Variants in SGMS1 observed in about 807,000 individuals in gnomAD.
SGMS1 encodes sphingomyelin synthase 1.
In SGMS1, 13 loss-of-function variants were observed where a neutral mutation model predicts 46.2. The ratio of observed to expected loss-of-function variants is 0.28; its 90% confidence interval spans 0.18 to 0.45. The LOEUF (loss-of-function observed/expected upper bound fraction) is 0.45, where lower values mean the gene tolerates loss of function less well. SGMS1 is among the 20% of genes least tolerant of loss of function. The pLI is 1.00. For synonymous variants in SGMS1, 203 were observed against 187.8 expected, an observed-to-expected ratio of 1.08 and a Z score of -0.66; for missense variants, 324 against 519.9, an observed-to-expected ratio of 0.62 and a Z score of 3.66.
At chr10:50,484,547 G>T (rs1588849376) in intron 3 of SGMS1, among the ~76,000 whole-genome samples, 1 of 152,240 alleles carries the variant, frequency 6.6e-6, no homozygotes, top group East Asian at 1.9e-4. Flanking sequence ...CTCATTTTAT[G>T]AGGCCAGCAT....
At chr10:50,328,131 C>T (rs1330001537) in intron 7 of SGMS1, 8 of 356,522 alleles carry the variant, frequency 2.2e-5, no homozygotes, top group Admixed American at 2.1e-4. Context: ...TATCTATATA[C>T]ATACACATGT....
chr10:50,355,080 T>A (rs1260384096), intron 6 of SGMS1, among the ~76,000 whole-genome samples: 10 of 152,182 alleles, frequency 6.6e-5, no homozygotes, highest in Admixed American at 3.3e-4. Flanking sequence ...GACCCAGCCA[T>A]CCCCATTACT....
At chr10:50,340,464 TC>T (rs1298500395) in intron 7 of SGMS1, 2 of 152,188 alleles carry the variant, frequency 1.3e-5, no homozygotes, top group African/African-American at 4.8e-5. Flanking sequence ...AAAGTCCAAT[TC>T]TAAATGGGGA....
chr10:50,306,246 T>A lies in SGMS1; in HGVS notation c.*896A>T, dbSNP rs577520622. The A allele has an allele frequency of 1.5e-3, 228 of 152,638 alleles. No individual in the cohort carries two copies. Among genetic ancestry groups the A allele is most frequent in the African/African-American group, 5.4e-3 (224 of 41,568 alleles). The allele number at this position is 152,638 out of a possible 1,614,324, so 9.5% of individuals were successfully genotyped here. A position where few individuals can be genotyped will look rare whatever the true frequency, so the allele number is the denominator to read the frequency against. ...AACCTCATTATTTAAGTCATTGCAA[T>A]TTTAAAACCATAAGCAGTCTTCTGA... On this transcript the variant is annotated 3_prime_UTR_variant, in exon 11 of 11. Transcript: ENST00000361781.
chr10:50,608,759 T>C (rs1838719796), intron 1 of SGMS1, among the ~76,000 whole-genome samples: 1 of 152,148 alleles, frequency 6.6e-6, no homozygotes, highest in South Asian at 2.1e-4. Flanking sequence ...GACATTCTTT[T>C]TGTAGACTTC....
At chr10:50,408,599 C>T (rs1439321124) in intron 6 of SGMS1, among the ~76,000 whole-genome samples, 2 of 152,002 alleles carry the variant, frequency 1.3e-5, no homozygotes, top group Admixed American at 6.6e-5. Context: ...AGGAGAATCG[C>T]TTGAACCTGG....
chr10:50,494,109 T>C (rs542539302), intron 3 of SGMS1, among the ~76,000 whole-genome samples: 4 of 152,252 alleles, frequency 2.6e-5, no homozygotes, highest in Admixed American at 6.5e-5. Context: ...GAATGGCTAT[T>C]ATTAAAAAGT....
At position 50,623,688 on chromosome 10, in the gene SGMS1, T is replaced by C; in HGVS notation, c.-684+19A>G. 1 of 985,320 alleles carries C rather than the reference T, an allele frequency of 1.0e-6. No homozygotes were observed. The highest frequency in any genetic ancestry group is 1.2e-6 in the Non-Finnish European group (1 of 829,916). The allele number at this position is 985,320 out of a possible 1,614,324, so 61.0% of individuals were successfully genotyped here. On this transcript the variant is annotated intron_variant, in intron 1 of 10. Coordinates refer to ENST00000361781, the MANE Select transcript of SGMS1 (RefSeq NM_147156.4). ...CCGCAACCGTGAGGCCGGCTGTCTG[T>C]CCCTGCCCCACGACTCACTTGCACT...
At chr10:50,585,640 C>T (rs1838476495) in intron 2 of SGMS1, among the ~76,000 whole-genome samples, 1 of 152,148 alleles carries the variant, frequency 6.6e-6, no homozygotes, top group Non-Finnish European at 1.5e-5. Context: ...GCCCCTACAC[C>T]ACGATGTCAT....
intron 4 of SGMS1, among the ~76,000 whole-genome samples, chr10:50,463,814 T>C (rs942407181): frequency 3.9e-5 from 6 of 152,182 alleles, no homozygotes; most frequent in African/African-American, 1.4e-4. Context: ...ACATGGTATA[T>C]ACATACAATG....
intron 1 of SGMS1, among the ~76,000 whole-genome samples, chr10:50,615,452 A>C (rs1423518584): frequency 1.3e-5 from 2 of 152,218 alleles, no homozygotes; most frequent in African/African-American, 4.8e-5. Flanking sequence ...CTGTTATGAC[A>C]CCTACCAGAG....
chr10:50,558,446 T>C lies in SGMS1; in HGVS notation c.-589+31707A>G, dbSNP rs546602808. On this transcript the variant is annotated intron_variant, in intron 2 of 10. Coordinates refer to ENST00000361781, the MANE Select transcript of SGMS1 (RefSeq NM_147156.4). ...CTCCTGGCTGCTTAAATTTCATGCC[T>C]GAAATATCCCGGATAAGCTGCTTGG... Among the ~76,000 whole-genome samples the C allele has an allele frequency of 5.3e-5, 8 of 152,308 alleles. No individual in the cohort carries two copies. In the South Asian group the frequency reaches 1.5e-3, roughly 28 times the overall value.
At chr10:50,579,228 T>C (rs1838412118) in intron 2 of SGMS1, among the ~76,000 whole-genome samples, 1 of 151,896 alleles carries the variant, frequency 6.6e-6, no homozygotes, top group Non-Finnish European at 1.5e-5. Flanking sequence ...ACGTAGGAAA[T>C]ATCCTAAGAA....
chr10:50,456,205 C>A (rs1266394162), intron 5 of SGMS1, among the ~76,000 whole-genome samples: 6 of 152,018 alleles, frequency 3.9e-5, no homozygotes, highest in Admixed American at 6.6e-5. Context: ...TTTCTTTCAG[C>A]AAAAATTTGT....
At chr10:50,464,459 G>C (rs1310746429) in intron 4 of SGMS1, among the ~76,000 whole-genome samples, 1 of 152,202 alleles carries the variant, frequency 6.6e-6, no homozygotes, top group Non-Finnish European at 1.5e-5. Flanking sequence ...TTTTGCTACA[G>C]GGTCTCTCTG....
chr10:50,430,395 A>G (rs1403534839), intron 6 of SGMS1, among the ~76,000 whole-genome samples: 2 of 152,004 alleles, frequency 1.3e-5, no homozygotes, highest in Non-Finnish European at 2.9e-5. Flanking sequence ...TCAAAACAAT[A>G]GTAATAACCA....
At chr10:50,441,872 T>G (rs1029569686) in intron 5 of SGMS1, among the ~76,000 whole-genome samples, 1 of 151,902 alleles carries the variant, frequency 6.6e-6, no homozygotes, top group Non-Finnish European at 1.5e-5. Flanking sequence ...ATCCATTGCA[T>G]GGATACTTCT....
intron 8 of SGMS1, among the ~76,000 whole-genome samples, 156 bp downstream of exon 8, chr10:50,327,049 G>T (rs1337484443): frequency 6.6e-6 from 1 of 152,106 alleles, no homozygotes; most frequent in East Asian, 1.9e-4. Context: ...TCTGGGAAGG[G>T]TGGGGCTGCC....
intron 2 of SGMS1, among the ~76,000 whole-genome samples, chr10:50,575,673 T>C (rs1287463895): frequency 1.4e-5 from 2 of 145,072 alleles, no homozygotes; most frequent in African/African-American, 2.4e-5. Context: ...TTATCTCGAC[T>C]GTGGTGGTGG....
Sources: allele counts gnomAD v4.1 joint callset (sites outside exome capture counted in the v4.1 genomes callset), GRCh38; gene constraint gnomAD v4.1.1; transcripts MANE v1.5; gene names NCBI Gene and HGNC (gene_info 2026-07-23, HGNC 2026-07-21).